KDM5D: variants seen among roughly 807,000 people sequenced by gnomAD.
The protein encoded by KDM5D is lysine-specific demethylase 5D.
In KDM5D, 25 loss-of-function variants were observed where a neutral mutation model predicts 31.9. That is an observed-to-expected ratio of 0.78 (90% CI 0.57 to 1.09). KDM5D has a LOEUF of 1.09. KDM5D is among the 50% of genes least tolerant of loss of function. The probability of loss-of-function intolerance (pLI) is 0.00; values close to 1 mark genes in which losing one functional copy is unlikely to be tolerated. For synonymous variants in KDM5D, 146 were observed against 122.3 expected (o/e 1.19, Z -1.28); for missense variants, 366 against 341.6 (o/e 1.07, Z -0.56).
chrY:19,715,879 T>A lies in KDM5D; in HGVS notation c.2157A>T (p.Val719=). The A allele has an allele frequency of 2.5e-6, 1 of 398,958 alleles. No homozygotes were observed. The highest frequency in any genetic ancestry group is 3.5e-6 in the Non-Finnish European group (1 of 283,558). The part of the protein sequence containing the change: ...LACYDCPDGL[V]CLSHINDLCK... ...AGAGGTCATTGATGTGGGAAAGGCA[T>A]ACAAGGCCATCTGGGCAGTCGTAGC... The change falls in exon 16 of 27, where the codon GTA becomes GTT. Residue 719 remains valine (V), a synonymous_variant. Transcript: ENST00000317961.
At chrY:19,739,765 T>C in intron 5 of KDM5D, 103 bp from the exon 6 acceptor site, 3 of 194,132 alleles carry the variant, frequency 1.5e-5, no homozygotes, top group Non-Finnish European at 2.6e-5. Flanking sequence ...TCTTTCTAAA[T>C]TACACAGGTC....
rs1291291671 is a variant in KDM5D at position 19,739,659 on chromosome Y, A to C, written c.526T>G (p.Cys176Gly). The change falls in exon 6 of 27, where the codon TGT becomes GGT. Residue 176 changes from cysteine (C) to glycine (G), a missense_variant. Coordinates refer to ENST00000317961, the MANE Select transcript of KDM5D (RefSeq NM_004653.5). ...TCATTGTCAAACGGGTGTGTGTTACATTGCTAGAGAGAAAAAAATATATAG... is the reference window on the plus strand; with the variant it reads ...TCATTGTCAAACGGGTGTGTGTTACCTTGCTAGAGAGAAAAAAATATATAG... The part of the protein sequence containing the change: ...MFQSGANHVQ[C>G]NTHPFDNEVK... The C allele has an allele frequency of 2.6e-6, 1 of 383,555 alleles. No individual in the cohort carries two copies.
At position 19,706,357 on chromosome Y, in the gene KDM5D, C is replaced by A; in HGVS notation, c.4270-12G>T. ...TCAAATTTTTCCAGCTGCAATCATACCCACACAAGGCGAAAAACGTCAGTA... is the reference window on the plus strand; with the variant it reads ...TCAAATTTTTCCAGCTGCAATCATAACCACACAAGGCGAAAAACGTCAGTA... On this transcript the variant is annotated splice_polypyrimidine_tract_variant and intron_variant, in intron 26 of 26. Coordinates refer to ENST00000317961, the MANE Select transcript of KDM5D (RefSeq NM_004653.5). 2.6e-6 allele frequency: 1 copy of A among 387,166 alleles called. No individual in the cohort carries two copies. The highest frequency in any genetic ancestry group is 3.6e-6 in the Non-Finnish European group (1 of 276,381).
chrY:19,732,915 A>G (rs766266364), intron 8 of KDM5D, among the ~76,000 whole-genome samples, 173 bp from the exon 9 acceptor site: 2 of 33,337 alleles, frequency 6.0e-5, no homozygotes, highest in African/African-American at 1.2e-4. Context: ...ACTATAATAC[A>G]GTAAGTTAAT....
At chrY:19,725,104 G>GA (rs2045420836) in intron 11 of KDM5D, among the ~76,000 whole-genome samples, 1 of 33,638 alleles carries the variant, frequency 3.0e-5, no homozygotes, top group Admixed American at 2.7e-4. Context: ...TGAATAGGAA[G>GA]AATCAATATC....
Position 19,704,191 on chromosome Y carries a change from A to G in KDM5D, c.*1804T>C. ...TTGGATTGCCTGCTTACTGTGAAGT[A>G]TGTGAACAATTTGTGACTCAGAACT... On this transcript the variant is annotated 3_prime_UTR_variant, in exon 27 of 27. Coordinates refer to ENST00000317961, the MANE Select transcript of KDM5D (RefSeq NM_004653.5). 2 of 33,647 alleles carry G rather than the reference A, an allele frequency of 5.9e-5. No individual in the cohort carries two copies. The highest frequency in any genetic ancestry group is 1.5e-4 in the Non-Finnish European group (2 of 13,636). The allele number at this position is 33,647 out of a possible 400,897, so 8.4% of individuals were successfully genotyped here. A position where few individuals can be genotyped will look rare whatever the true frequency, so the allele number is the denominator to read the frequency against.
At chrY:19,710,232 A>C in intron 19 of KDM5D, 144 bp downstream of exon 19, 1 of 371,934 alleles carries the variant, frequency 2.7e-6, no homozygotes, top group Non-Finnish European at 3.7e-6. Context: ...GTATGGGAAC[A>C]CATATCTCCG....
At chrY:19,723,653 C>T (rs2045410769) in intron 11 of KDM5D, among the ~76,000 whole-genome samples, 1 of 32,951 alleles carries the variant, frequency 3.0e-5, no homozygotes, top group African/African-American at 1.2e-4. Flanking sequence ...ACAGAGAAAT[C>T]GTGTCTCAAA....
At chrY:19,718,997 C>T in intron 13 of KDM5D, among the ~76,000 whole-genome samples, 1 of 31,084 alleles carries the variant, frequency 3.2e-5, no homozygotes, top group Admixed American at 2.9e-4. Context: ...GGTGAAACCC[C>T]GTCTCTACTA....
intron 8 of KDM5D, among the ~76,000 whole-genome samples, chrY:19,733,679 C>T (rs1603545991): frequency 8.8e-4 from 26 of 29,579 alleles, no homozygotes; most frequent in Middle Eastern, 0.015. Flanking sequence ...CACGACCAGC[C>T]TGGACAACAA....
chrY:19,720,121 A>C, intron 13 of KDM5D, among the ~76,000 whole-genome samples: 1 of 33,095 alleles, frequency 3.0e-5, no homozygotes, highest in Non-Finnish European at 7.4e-5. Flanking sequence ...AGAGACAAAA[A>C]AAATATAGTT....
Position 19,744,500 on chromosome Y carries a change from G to C in KDM5D, c.35C>G (p.Pro12Arg). 1 of 396,358 alleles carries C rather than the reference G, an allele frequency of 2.5e-6. No homozygotes were observed. Among genetic ancestry groups the C allele is most frequent in the Non-Finnish European group, 3.5e-6 (1 of 281,813 alleles). Residue 12 changes from proline (P) to arginine (R), a missense_variant, in exon 2 of 27, where the codon CCG (proline) becomes CGG (arginine). Pro to Arg is a moderately radical substitution (Grantham distance 103). Coordinates refer to ENST00000317961, the MANE Select transcript of KDM5D (RefSeq NM_004653.5). ...EPGCDEFLPP[P>R]ECPVFEPSWA... Reference sequence around the variant, plus strand: ...GCTAGGCTCAAAAACCGGGCACTCCGGTGGCGGCAGGAACTCGTCACACCC... The same window carrying C: ...GCTAGGCTCAAAAACCGGGCACTCCCGTGGCGGCAGGAACTCGTCACACCC...
At chrY:19,737,290 AAG>A (rs2045517584) in intron 6 of KDM5D, among the ~76,000 whole-genome samples, 2 of 33,786 alleles carry the variant, frequency 5.9e-5, no homozygotes, top group African/African-American at 2.3e-4. Flanking sequence ...CACTACTACA[AAG>A]AGTGCACACA....
intron 11 of KDM5D, among the ~76,000 whole-genome samples, chrY:19,730,606 C>T (rs2045465377): frequency 3.0e-5 from 1 of 33,424 alleles, no homozygotes; most frequent in Non-Finnish European, 7.4e-5. Context: ...TATAACCAAA[C>T]TATCTGTAAG....
chrY:19,717,696 G>C, intron 13 of KDM5D, among the ~76,000 whole-genome samples: 1 of 33,348 alleles, frequency 3.0e-5, no homozygotes, highest in Admixed American at 2.7e-4. Context: ...AAAGATCTAA[G>C]ACCCTAACGT....
At chrY:19,732,367 G>A in intron 9 of KDM5D, among the ~76,000 whole-genome samples, 1 of 31,958 alleles carries the variant, frequency 3.1e-5, no homozygotes, top group African/African-American at 1.2e-4. Context: ...CATGCCATTT[G>A]AATTATAGTC....
At chrY:19,713,667 G>A in intron 18 of KDM5D, among the ~76,000 whole-genome samples, 1 of 33,277 alleles carries the variant, frequency 3.0e-5, no homozygotes, top group Non-Finnish European at 7.4e-5. Flanking sequence ...GTGAGGTGGC[G>A]GAGAAAAAGT....
chrY:19,744,331 C>T (rs2045581744), intron 2 of KDM5D, 54 bp downstream of exon 2: 1 of 335,899 alleles, frequency 3.0e-6, no homozygotes, highest in East Asian at 1.0e-4. Flanking sequence ...GGTAAACTGC[C>T]CCAACGTTCA....
rs946898687 is a variant in KDM5D, at chrY:19,744,524, C to T, written c.11G>A (p.Gly4Glu). ...CGGTGGCGGCAGGAACTCGTCACAC[C>T]CCGGTTCCATGTCGGGCCTTAATGC... Reference protein sequence around the residue: MEPGCDEFLPPPEC... With the variant: MEPECDEFLPPPEC... The change falls in exon 2 of 27, where the codon GGG becomes GAG. Residue 4 changes from glycine (G) to glutamate (E), a missense_variant. Coordinates refer to ENST00000317961, the MANE Select transcript of KDM5D (RefSeq NM_004653.5). The T allele has an allele frequency of 1.0e-5, 4 of 395,357 alleles. No individual in the cohort carries two copies. Among genetic ancestry groups the T allele is most frequent in the Non-Finnish European group, 1.1e-5 (3 of 281,085 alleles).
Sources: allele counts gnomAD v4.1 joint callset (sites outside exome capture counted in the v4.1 genomes callset), GRCh38; gene constraint gnomAD v4.1.1; transcripts MANE v1.5; gene names NCBI Gene and HGNC (gene_info 2026-07-23, HGNC 2026-07-21).